The following YIPF6 variants were observed in gnomAD, a reference collection of about 807,000 sequenced individuals.
The protein encoded by YIPF6 is protein YIPF6.
YIPF6 carries 3 observed loss-of-function variants against 16.8 expected under a neutral mutation model. The observed-to-expected ratio is 0.18, with a 90% CI of 0.08 to 0.46. YIPF6 has a LOEUF of 0.46. Ranked by LOEUF, YIPF6 falls within the 20% of genes least tolerant of loss-of-function variation. The probability of loss-of-function intolerance (pLI) is 0.98; values close to 1 mark genes in which losing one functional copy is unlikely to be tolerated. For missense variants in YIPF6, 145 were observed against 184.9 expected, an observed-to-expected ratio of 0.78 and a Z score of 1.25; for synonymous variants, 67 against 61.9, an observed-to-expected ratio of 1.08 and a Z score of -0.38.
intron 1 of YIPF6, 102 bp downstream of exon 1, chrX:68,499,225 G>T (rs2079031510): frequency 9.9e-7 from 1 of 1,012,770 alleles, no homozygotes. Context: ...AGCTCCTTCC[G>T]CCCGGCAGGC....
chrX:68,515,889 C>T (rs1316683311), intron 3 of YIPF6, among the ~76,000 whole-genome samples: 2 of 111,492 alleles, frequency 1.8e-5, no homozygotes, highest in African/African-American at 3.3e-5. Context: ...TTTGGCAGGC[C>T]GAGGTGGGTG....
rs959594986 is a variant in YIPF6, at chrX:68,518,941, C to G, written c.308+129C>G. 30 of 595,592 alleles carry G rather than the reference C, an allele frequency of 5.0e-5. No homozygotes were observed. The African/African-American group carries it at 6.4e-4, about 13-fold the overall frequency. The allele number at this position is 595,592 out of a possible 1,213,427, so 49.1% of individuals were successfully genotyped here. A position where few individuals can be genotyped will look rare whatever the true frequency, so the allele number is the denominator to read the frequency against. On this transcript the variant is annotated intron_variant, in intron 4 of 6. Transcript: ENST00000462683. ...TATATGACATGTTGTACATGTTATACTCCTTAGGTATTTAAGCCTCTAAAG... is the reference window on the plus strand; with the variant it reads ...TATATGACATGTTGTACATGTTATAGTCCTTAGGTATTTAAGCCTCTAAAG...
In YIPF6 at chrX:68,536,935, C is replaced by T. The variant is rs1191261451; in HGVS notation, c.*4936C>T. 1.8e-5 allele frequency: 2 copies of T among 112,255 alleles called. No individual in the cohort carries two copies. Among genetic ancestry groups the T allele is most frequent in the Non-Finnish European group, 3.8e-5 (2 of 53,305 alleles). 9.3% of individuals were successfully genotyped at this position (112,255 alleles called of 1,213,427 possible). ...AATAGTCAAGGGATGCATCTGTTTG[C>T]TTATAGTACCAGTTATATTCCTAGG... On this transcript the variant is annotated 3_prime_UTR_variant, in exon 7 of 7. Transcript: ENST00000462683.
intron 3 of YIPF6, among the ~76,000 whole-genome samples, chrX:68,518,521 A>AT (rs1384878329): frequency 2.7e-5 from 3 of 110,663 alleles, no homozygotes; most frequent in African/African-American, 9.9e-5. Flanking sequence ...GCGTGCCAGC[A>AT]TGTGTCTTAG....
intron 1 of YIPF6, among the ~76,000 whole-genome samples, chrX:68,501,882 T>A (rs979884689): frequency 1.8e-5 from 2 of 111,480 alleles, no homozygotes; most frequent in Non-Finnish European, 3.8e-5. Context: ...CTAAGCACTG[T>A]CACTTAACTA....
Position 68,521,357 on chromosome X carries a change from GT to G in YIPF6, c.309-12del. 8.3e-7 allele frequency: 1 copy of G among 1,205,806 alleles called. No homozygotes were observed. The highest frequency in any genetic ancestry group is 3.0e-5 in the East Asian group (1 of 33,727). ...TAAAAGATTAAGCAATTCTTACGCT[GT>G]TTCCTTTTCTCAGAATGCTGCAAAG... On this transcript the variant is annotated splice_polypyrimidine_tract_variant and intron_variant, in intron 4 of 6. Coordinates refer to ENST00000462683, the MANE Select transcript of YIPF6 (RefSeq NM_173834.4).
rs138903451 is a variant in YIPF6, at chrX:68,534,011, G to A, written c.*2012G>A. 236 of 112,182 alleles carry A rather than the reference G, an allele frequency of 2.1e-3. No individual in the cohort carries two copies. The highest frequency in any genetic ancestry group is 7.1e-3 in the African/African-American group (221 of 30,963). The allele number at this position is 112,182 out of a possible 1,213,427, so 9.2% of individuals were successfully genotyped here. ...AAGGCCACAGCTTTGGGGGGTTCGT[G>A]TAGATGTACATGGTGGGTGGGTTAT... On this transcript the variant is annotated 3_prime_UTR_variant, in exon 7 of 7. Transcript: ENST00000462683.
intron 6 of YIPF6, among the ~76,000 whole-genome samples, chrX:68,529,155 T>G (rs1420896297): frequency 9.0e-6 from 1 of 110,793 alleles, no homozygotes; most frequent in Non-Finnish European, 1.9e-5. Context: ...GTCCCATATT[T>G]CTTGGAGGCT....
intron 6 of YIPF6, among the ~76,000 whole-genome samples, chrX:68,530,754 C>T (rs958402678): frequency 4.5e-5 from 5 of 110,864 alleles, no homozygotes; most frequent in African/African-American, 6.6e-5. Context: ...CTAGGTGAGG[C>T]GATTCCCCAC....
rs187245883 is a variant in YIPF6 at position 68,505,147 on chromosome X, C to T, written c.57+6024C>T. Reference sequence around the variant, plus strand: ...GGTTTTGGCTGGGCATGGTGCCTCACGCCTGTAATCCCAGCATTTTGTGAG... The same window carrying T: ...GGTTTTGGCTGGGCATGGTGCCTCATGCCTGTAATCCCAGCATTTTGTGAG... On this transcript the variant is annotated intron_variant, in intron 1 of 6. Coordinates refer to ENST00000462683, the MANE Select transcript of YIPF6 (RefSeq NM_173834.4). 1.7e-4 allele frequency among the ~76,000 whole-genome samples: 19 copies of T among 111,866 alleles called. No individual in the cohort carries two copies. In the East Asian group the frequency reaches 2.3e-3, roughly 13 times the overall value.
chrX:68,500,566 C>T (rs765745027), intron 1 of YIPF6, among the ~76,000 whole-genome samples: 4 of 111,656 alleles, frequency 3.6e-5, no homozygotes, highest in Non-Finnish European at 5.6e-5. Flanking sequence ...CTGCCCGCCT[C>T]GGCCTCCCAA....
chrX:68,530,264 G>A (rs1028122456), intron 6 of YIPF6, among the ~76,000 whole-genome samples: 3 of 111,283 alleles, frequency 2.7e-5, no homozygotes, highest in Non-Finnish European at 5.7e-5. Flanking sequence ...TCTTTACACT[G>A]TGAGGGGAAA....
At chrX:68,519,267 C>T (rs1041000237) in intron 4 of YIPF6, among the ~76,000 whole-genome samples, 1 of 110,575 alleles carries the variant, frequency 9.0e-6, no homozygotes, top group Non-Finnish European at 1.9e-5. Flanking sequence ...AGGAAGAGGA[C>T]GGGGAAGGAG....
At chrX:68,502,902 C>T (rs1758226562) in intron 1 of YIPF6, among the ~76,000 whole-genome samples, 1 of 108,193 alleles carries the variant, frequency 9.2e-6, no homozygotes, top group African/African-American at 3.4e-5. Flanking sequence ...CACCTCGGCT[C>T]ACTGCAACCT....
In YIPF6 at chrX:68,536,132, T is replaced by C. The variant is rs904872301; in HGVS notation, c.*4133T>C. On this transcript the variant is annotated 3_prime_UTR_variant, in exon 7 of 7. Coordinates refer to ENST00000462683, the MANE Select transcript of YIPF6 (RefSeq NM_173834.4). ...ATGTACAATTCAGTGGTTTTTAGTA[T>C]ATTCACACACAAAATTGCACAACTA... The C allele has an allele frequency of 8.9e-6, 1 of 111,738 alleles. No individual in the cohort carries two copies. The highest frequency in any genetic ancestry group is 2.8e-4 in the East Asian group (1 of 3,579). The allele number at this position is 111,738 out of a possible 1,213,427, so 9.2% of individuals were successfully genotyped here.
intron 1 of YIPF6, among the ~76,000 whole-genome samples, chrX:68,506,882 TG>T (rs1229668218): frequency 9.0e-6 from 1 of 111,586 alleles, no homozygotes; most frequent in African/African-American, 3.3e-5. Flanking sequence ...CCCAACTAGC[TG>T]GAACTATAGG....
intron 4 of YIPF6, among the ~76,000 whole-genome samples, chrX:68,520,225 G>A (rs756083969): frequency 2.7e-5 from 3 of 112,513 alleles, no homozygotes; most frequent in African/African-American, 9.7e-5. Context: ...AAGACTTACA[G>A]TGTGACTTCT....
chrX:68,524,537 T>C (rs1343812818), intron 6 of YIPF6, among the ~76,000 whole-genome samples: 5 of 109,112 alleles, frequency 4.6e-5, no homozygotes, highest in Non-Finnish European at 9.5e-5. Flanking sequence ...ATATTATTAT[T>C]ATACTTTAAG....
chrX:68,500,009 A>T, intron 1 of YIPF6, among the ~76,000 whole-genome samples: 1 of 112,482 alleles, frequency 8.9e-6, no homozygotes, highest in Non-Finnish European at 1.9e-5. Context: ...CAAAGTGTGG[A>T]CAAGTATTTT....
Sources: gnomAD v4.1 joint callset for allele counts (sites outside exome capture counted in the v4.1 genomes callset) on GRCh38, gnomAD v4.1.1 for gene constraint, MANE v1.5 for transcripts, NCBI Gene and HGNC (gene_info 2026-07-23, HGNC 2026-07-21) for gene names.